Variants in PHEX observed in about 807,000 individuals in gnomAD.
PHEX encodes phosphate-regulating neutral endopeptidase PHEX.
A neutral mutation model predicts 68.0 loss-of-function variants in PHEX; 16 were observed. That is an observed-to-expected ratio of 0.24 (90% CI 0.16 to 0.36). The LOEUF (loss-of-function observed/expected upper bound fraction) is 0.36, where lower values mean the gene tolerates loss of function less well. Among genes scored for constraint, PHEX ranks in the 10% least tolerant of loss-of-function variants. The pLI, the probability that PHEX is intolerant of heterozygous loss-of-function variation, is 1.00. For synonymous variants in PHEX, 208 were observed against 205.1 expected, an observed-to-expected ratio of 1.01 and a Z score of -0.12; for missense variants, 480 against 575.5, an observed-to-expected ratio of 0.83 and a Z score of 1.70.
chrX:22,234,756 A>G (rs1336753146), intron 20 of PHEX, among the ~76,000 whole-genome samples: 36 of 108,058 alleles, frequency 3.3e-4, no homozygotes, highest in African/African-American at 1.2e-3. Flanking sequence ...CTGGCTTTAG[A>G]ACCCCTTCTG....
In PHEX at chrX:22,205,704, A is replaced by T. The variant is rs766934327; in HGVS notation, c.1646-7200A>T. ...TATTAAATTATTATTATTAATATTT[A>T]AAAAACTTCCAAATAACATACAATT... On this transcript the variant is annotated intron_variant, in intron 15 of 21. Transcript: ENST00000379374. Among the ~76,000 whole-genome samples the T allele has an allele frequency of 7.1e-3, 784 of 110,059 alleles. 6 individuals carry two copies. Among genetic ancestry groups the T allele is most frequent in the Admixed American group, 0.014 (146 of 10,263 alleles).
intron 17 of PHEX, 43 bp downstream of exon 17, chrX:22,219,146 T>A (rs944091688): frequency 1.9e-5 from 16 of 827,657 alleles, no homozygotes; most frequent in Non-Finnish European, 2.9e-5. Context: ...TTTATAATAA[T>A]GTTGACTATA....
chrX:22,130,087 T>A (rs2147082137), intron 11 of PHEX, among the ~76,000 whole-genome samples: 1 of 112,145 alleles, frequency 8.9e-6, no homozygotes, highest in Admixed American at 9.5e-5. Context: ...CCACATAAAA[T>A]GAGTCACCTG....
intron 9 of PHEX, among the ~76,000 whole-genome samples, chrX:22,100,233 TA>T (rs1281446040): frequency 1.8e-5 from 2 of 111,906 alleles, no homozygotes; most frequent in Non-Finnish European, 3.8e-5. Context: ...GGGTGCTTGT[TA>T]AAAATGCAGA....
chrX:22,202,265 TA>T (rs1237289328), intron 15 of PHEX, among the ~76,000 whole-genome samples: 1 of 112,032 alleles, frequency 8.9e-6, no homozygotes, highest in Non-Finnish European at 1.9e-5. Flanking sequence ...GAAAACACCT[TA>T]ATTTATTTAA....
intron 12 of PHEX, among the ~76,000 whole-genome samples, chrX:22,165,623 C>G (rs1933288247): frequency 9.0e-6 from 1 of 111,167 alleles, no homozygotes; most frequent in South Asian, 3.8e-4. Flanking sequence ...CAGAAAGTCT[C>G]AGGTGTTGGC....
intron 15 of PHEX, among the ~76,000 whole-genome samples, chrX:22,201,683 C>T (rs748453458): frequency 1.8e-5 from 2 of 111,760 alleles, no homozygotes; most frequent in East Asian, 5.7e-4. Flanking sequence ...TGGTAAGTCC[C>T]AGAACCAATG....
At chrX:22,100,954 T>C (rs905454588) in intron 9 of PHEX, among the ~76,000 whole-genome samples, 5 of 111,031 alleles carry the variant, frequency 4.5e-5, no homozygotes, top group Admixed American at 9.6e-5. Context: ...GGCAGATCAC[T>C]TGAGGCCAGG....
intron 2 of PHEX, among the ~76,000 whole-genome samples, chrX:22,041,942 T>C (rs1927308454): frequency 9.0e-6 from 1 of 111,516 alleles, no homozygotes; most frequent in Non-Finnish European, 1.9e-5. Context: ...CATTGGCGAA[T>C]GGCTTTCTAA....
At chrX:22,129,330 G>A (rs1391993075) in intron 11 of PHEX, among the ~76,000 whole-genome samples, 1 of 112,053 alleles carries the variant, frequency 8.9e-6, no homozygotes. Context: ...ATAGGTAACT[G>A]AAACTATGGA....
intron 3 of PHEX, among the ~76,000 whole-genome samples, chrX:22,059,599 A>G (rs952682837): frequency 6.6e-4 from 74 of 112,227 alleles, no homozygotes; most frequent in African/African-American, 2.2e-3. Context: ...ATAGGTTTCA[A>G]CAGACTGCTC....
At chrX:22,092,493 C>T (rs1199120826) in intron 6 of PHEX, among the ~76,000 whole-genome samples, 1 of 110,693 alleles carries the variant, frequency 9.0e-6, no homozygotes, top group Non-Finnish European at 1.9e-5. Flanking sequence ...CCACCTCAGC[C>T]TCCCGAGTAG....
At chrX:22,124,622 G>C (rs1166029359) in intron 11 of PHEX, among the ~76,000 whole-genome samples, 1 of 112,314 alleles carries the variant, frequency 8.9e-6, no homozygotes, top group Non-Finnish European at 1.9e-5. Flanking sequence ...TGATTGACTT[G>C]TAAATATTAT....
chrX:22,219,610 G>GATTATTATT (rs759048384), intron 17 of PHEX, among the ~76,000 whole-genome samples: 6 of 100,006 alleles, frequency 6.0e-5, no homozygotes, highest in African/African-American at 2.4e-4. Flanking sequence ...CTTATATTCT[G>GATTATTATT]ATTATTATTA....
At chrX:22,171,960 G>A (rs1477354348) in intron 13 of PHEX, 5 of 111,940 alleles carry the variant, frequency 4.5e-5, no homozygotes, top group Non-Finnish European at 1.9e-5. Context: ...TGGATCAGAC[G>A]AAGGTCAAGG....
At chrX:22,235,341 G>A (rs1935936875) in intron 20 of PHEX, among the ~76,000 whole-genome samples, 1 of 112,221 alleles carries the variant, frequency 8.9e-6, no homozygotes, top group African/African-American at 3.2e-5. Flanking sequence ...GTGCTTTTCA[G>A]ATTTGACATC....
intron 3 of PHEX, among the ~76,000 whole-genome samples, chrX:22,063,186 A>T (rs1928451558): frequency 8.9e-6 from 1 of 112,350 alleles, no homozygotes; most frequent in African/African-American, 3.2e-5. Flanking sequence ...ACCATTCAGA[A>T]TGACTGCTCT....
At chrX:22,124,384 C>T (rs905934917) in intron 11 of PHEX, among the ~76,000 whole-genome samples, 4 of 112,298 alleles carry the variant, frequency 3.6e-5, no homozygotes, top group Non-Finnish European at 7.5e-5. Flanking sequence ...TTTGTTTTCT[C>T]CATTTCTGGC....
intron 6 of PHEX, among the ~76,000 whole-genome samples, chrX:22,093,335 A>T (rs1929985457): frequency 8.9e-6 from 1 of 112,001 alleles, no homozygotes; most frequent in South Asian, 3.7e-4. Context: ...ATGACATATG[A>T]TTATCCCCAA....
Sources: allele counts gnomAD v4.1 joint callset (sites outside exome capture counted in the v4.1 genomes callset), GRCh38; gene constraint gnomAD v4.1.1; transcripts MANE v1.5; gene names NCBI Gene and HGNC (gene_info 2026-07-23, HGNC 2026-07-21).